Variants in OPCML observed in about 807,000 individuals in gnomAD.
OPCML encodes the protein opioid binding protein/cell adhesion molecule like.
A neutral mutation model predicts 37.8 loss-of-function variants in OPCML; 13 were observed. That is an observed-to-expected ratio of 0.34 (90% confidence interval 0.22 to 0.55). The LOEUF (loss-of-function observed/expected upper bound fraction) is 0.55, where lower values mean the gene tolerates loss of function less well. Among genes scored for constraint, OPCML ranks in the 20% least tolerant of loss-of-function variants. The probability of loss-of-function intolerance (pLI) is 0.91; values close to 1 mark genes in which losing one functional copy is unlikely to be tolerated. For missense variants in OPCML, 341 were observed against 435.6 expected (o/e 0.78, Z 1.93); for synonymous variants, 176 against 168.8 (o/e 1.04, Z -0.33).
At chr11:132,718,313 G>T (rs372720470) in intron 2 of OPCML, among the ~76,000 whole-genome samples, 3 of 152,054 alleles carry the variant, frequency 2.0e-5, no homozygotes, top group East Asian at 3.9e-4. Context: ...TTACAACTTG[G>T]GGTGAGTTCT....
intron 3 of OPCML, among the ~76,000 whole-genome samples, chr11:132,546,826 G>T (rs2096369783): frequency 6.6e-6 from 1 of 152,208 alleles, no homozygotes. Context: ...GGTGGACAGT[G>T]CTCAAATATG....
chr11:132,966,248 T>C (rs1946211866), intron 1 of OPCML, among the ~76,000 whole-genome samples: 1 of 152,170 alleles, frequency 6.6e-6, no homozygotes, highest in Non-Finnish European at 1.5e-5. Context: ...TTCATACGTT[T>C]CAAAATATTT....
At chr11:133,055,805 T>G (rs911869647) in intron 1 of OPCML, among the ~76,000 whole-genome samples, 1 of 151,278 alleles carries the variant, frequency 6.6e-6, no homozygotes, top group African/African-American at 2.4e-5. Context: ...GCTGCCTCCA[T>G]GATACTTCCA....
chr11:132,694,328 A>G (rs964258582), intron 2 of OPCML, among the ~76,000 whole-genome samples: 4 of 151,188 alleles, frequency 2.6e-5, no homozygotes, highest in South Asian at 4.2e-4. Context: ...CCTCCCAAAT[A>G]GCTGGGACTA....
rs531788479 is a variant in OPCML, at chr11:132,466,463, G to A, written c.506-29104C>T. ...CACGCCACTGCACTCCAGCCTGGGC[G>A]ACACAGCGAGACTCCGTCTCGGAAA... On this transcript the variant is annotated intron_variant, in intron 4 of 7. Transcript: ENST00000524381. Among the ~76,000 whole-genome samples the A allele has an allele frequency of 6.7e-5, 10 of 149,516 alleles. 1 individual carries two copies. The highest frequency in any genetic ancestry group is 4.3e-4 in the South Asian group (2 of 4,688).
At chr11:132,562,948 A>G (rs1465542644) in intron 3 of OPCML, among the ~76,000 whole-genome samples, 2 of 152,198 alleles carry the variant, frequency 1.3e-5, no homozygotes, top group African/African-American at 2.4e-5. Context: ...GCAAGTGTAG[A>G]TAGAGGTCAG....
intron 3 of OPCML, among the ~76,000 whole-genome samples, chr11:132,558,670 A>G (rs2096403731): frequency 6.6e-6 from 1 of 151,204 alleles, no homozygotes; most frequent in South Asian, 2.1e-4. Context: ...TTATGATTGT[A>G]TCCTCCTCAT....
intron 2 of OPCML, among the ~76,000 whole-genome samples, chr11:132,716,065 A>G (rs141098700): frequency 6.6e-6 from 1 of 152,242 alleles, no homozygotes; most frequent in African/African-American, 2.4e-5. Flanking sequence ...TTCTAACACC[A>G]AATACAATTT....
intron 1 of OPCML, among the ~76,000 whole-genome samples, chr11:133,069,587 T>A (rs1010129478): frequency 6.6e-6 from 1 of 152,132 alleles, no homozygotes; most frequent in Non-Finnish European, 1.5e-5. Flanking sequence ...CAAATGTGAA[T>A]GCAAATGGGG....
intron 1 of OPCML, among the ~76,000 whole-genome samples, chr11:133,215,509 A>T (rs116264995): frequency 0.016 from 2,380 of 152,216 alleles, 66 homozygotes; most frequent in African/African-American, 0.055. Flanking sequence ...TACTCAGTGT[A>T]TTCCACGTCC....
intron 3 of OPCML, among the ~76,000 whole-genome samples, chr11:132,566,902 A>G (rs1350412338): frequency 6.6e-6 from 1 of 152,022 alleles, no homozygotes; most frequent in Admixed American, 6.5e-5. Context: ...AGGCACAGAG[A>G]CCAGCATGCA....
rs1332205724 is a variant in OPCML at position 133,417,997 on chromosome 11, C to T, written c.61+114267G>A. On this transcript the variant is annotated intron_variant, in intron 1 of 7. Transcript: ENST00000524381. Reference sequence around the variant, plus strand: ...TACACAAGCTTTGTTCCTTGCGAGACGTAGGCAATTTCCTCTGATGGAGAA... The same window carrying T: ...TACACAAGCTTTGTTCCTTGCGAGATGTAGGCAATTTCCTCTGATGGAGAA... The T allele has an allele frequency of 2.3e-5, 20 of 869,112 alleles. No individual in the cohort carries two copies. The East Asian group carries it at 3.6e-4, about 16-fold the overall frequency. The allele number at this position is 869,112 out of a possible 1,614,324, so 53.8% of individuals were successfully genotyped here.
intron 2 of OPCML, among the ~76,000 whole-genome samples, chr11:132,701,287 A>G (rs1220228421): frequency 6.6e-6 from 1 of 152,164 alleles, no homozygotes; most frequent in Non-Finnish European, 1.5e-5. Context: ...TATGGGGGAA[A>G]TTGACCCCAT....
chr11:132,643,726 G>T (rs970624440), intron 3 of OPCML, among the ~76,000 whole-genome samples: 2 of 152,122 alleles, frequency 1.3e-5, no homozygotes, highest in Admixed American at 6.5e-5. Flanking sequence ...ACTTACCAGG[G>T]CTAACTCAGA....
At chr11:133,082,382 C>T (rs1473316690) in intron 1 of OPCML, among the ~76,000 whole-genome samples, 1 of 142,302 alleles carries the variant, frequency 7.0e-6, no homozygotes, top group Non-Finnish European at 1.6e-5. Context: ...CCCCACCCTC[C>T]CCTCTTCCCC....
At chr11:132,867,357 C>T (rs961689439) in intron 2 of OPCML, among the ~76,000 whole-genome samples, 3 of 151,960 alleles carry the variant, frequency 2.0e-5, no homozygotes, top group East Asian at 1.9e-4. Context: ...CCAAAAGTGC[C>T]GAGAACAAAG....
chr11:132,918,603 C>A lies in OPCML; in HGVS notation c.146+24323G>T, dbSNP rs559424124. On this transcript the variant is annotated intron_variant, in intron 2 of 7. Transcript: ENST00000524381. ...AGTTTATCACACTTTATGATATCTC[C>A]AATAATTTTTTCTAGTAGGTTTAAC... Among the ~76,000 whole-genome samples the A allele has an allele frequency of 4.0e-4, 61 of 152,116 alleles. No individual in the cohort carries two copies. In the South Asian group the frequency reaches 0.013, roughly 32 times the overall value.
chr11:132,424,415 G>T (rs992390991), intron 7 of OPCML, among the ~76,000 whole-genome samples: 2 of 152,094 alleles, frequency 1.3e-5, no homozygotes, highest in Non-Finnish European at 2.9e-5. Context: ...CACCATGCCC[G>T]GCTGAGAGGC....
intron 2 of OPCML, among the ~76,000 whole-genome samples, chr11:132,909,263 A>G (rs372906166): frequency 3.3e-5 from 5 of 152,228 alleles, no homozygotes; most frequent in African/African-American, 1.2e-4. Context: ...ATAATTCCAG[A>G]TGGAACCCCA....
Sources: gnomAD v4.1 joint callset for allele counts (sites outside exome capture counted in the v4.1 genomes callset) on GRCh38, gnomAD v4.1.1 for gene constraint, MANE v1.5 for transcripts, NCBI Gene and HGNC (gene_info 2026-07-23, HGNC 2026-07-21) for gene names.